SUPT3H: variants seen among roughly 807,000 people sequenced by gnomAD.
SUPT3H encodes SPT3 homolog, SAGA and STAGA complex component.
Under a neutral mutation model 44.3 loss-of-function variants are expected in SUPT3H, and 44 were observed. The ratio of observed to expected loss-of-function variants is 0.99; its 90% CI spans 0.78 to 1.28. SUPT3H has a LOEUF of 1.28. Among genes scored for constraint, SUPT3H ranks in the 50% most tolerant of loss-of-function variants. The pLI is 0.00. For synonymous variants in SUPT3H, 124 were observed against 125.6 expected (o/e 0.99, Z 0.09); for missense variants, 380 against 387.1 (o/e 0.98, Z 0.15).
chr6:45,232,165 G>A (rs1390886964), intron 2 of SUPT3H, among the ~76,000 whole-genome samples: 2 of 152,136 alleles, frequency 1.3e-5, no homozygotes, highest in African/African-American at 2.4e-5. Flanking sequence ...CACATCTGGT[G>A]GAACAGCTGC....
chr6:45,329,383 C>A (rs1786998068), intron 2 of SUPT3H, among the ~76,000 whole-genome samples: 1 of 151,874 alleles, frequency 6.6e-6, no homozygotes, highest in Non-Finnish European at 1.5e-5. Flanking sequence ...ATACATTCAG[C>A]TGAAATAAAA....
intron 10 of SUPT3H, among the ~76,000 whole-genome samples, chr6:44,890,090 A>T (rs1038198095): frequency 2.0e-5 from 3 of 151,674 alleles, no homozygotes; most frequent in Non-Finnish European, 4.4e-5. Flanking sequence ...AATGGCGATC[A>T]TTAAAAAGTC....
chr6:44,961,655 T>C lies in SUPT3H; in HGVS notation c.580+98A>G, dbSNP rs559801494. On this transcript the variant is annotated intron_variant, in intron 7 of 10. Transcript: ENST00000371459. ...CACTTACAACTACACATATATTAAA[T>C]CCACCAATTTCTAAGAAACAGATCC... 17 of 966,374 alleles carry C rather than the reference T, an allele frequency of 1.8e-5. No individual in the cohort carries two copies. The African/African-American group carries it at 2.5e-4, about 14-fold the overall frequency. 59.9% of individuals were successfully genotyped at this position (966,374 alleles called of 1,614,324 possible). A position where few individuals can be genotyped will look rare whatever the true frequency, so the allele number is the denominator to read the frequency against.
chr6:45,014,132 C>CT (rs1427635226), intron 5 of SUPT3H, among the ~76,000 whole-genome samples: 1 of 151,844 alleles, frequency 6.6e-6, no homozygotes, highest in Non-Finnish European at 1.5e-5. Context: ...GAATATTTTA[C>CT]TTTATAATTT....
chr6:45,184,329 T>A (rs1196633282), intron 2 of SUPT3H, among the ~76,000 whole-genome samples: 1 of 152,112 alleles, frequency 6.6e-6, no homozygotes, highest in Non-Finnish European at 1.5e-5. Flanking sequence ...GACAAAGCAC[T>A]CCTTTTTTTA....
chr6:45,342,743 A>T (rs200225884), intron 2 of SUPT3H, among the ~76,000 whole-genome samples: 4 of 114,268 alleles, frequency 3.5e-5, no homozygotes, highest in Admixed American at 1.1e-4. Flanking sequence ...GTTTGCGTTA[A>T]TGTTTTAAAA....
chr6:45,365,322 A>G (rs1392384992), intron 1 of SUPT3H, 21 bp from the exon 2 acceptor site: 1 of 1,549,782 alleles, frequency 6.5e-7, no homozygotes, highest in African/African-American at 1.4e-5. Flanking sequence ...AGGAGAAATA[A>G]AGCTTACAAA....
chr6:44,979,161 G>T (rs1778752111), intron 6 of SUPT3H, among the ~76,000 whole-genome samples: 1 of 152,126 alleles, frequency 6.6e-6, no homozygotes, highest in Admixed American at 6.5e-5. Flanking sequence ...GTTCTTTAGA[G>T]GTAGAAAAAC....
intron 10 of SUPT3H, among the ~76,000 whole-genome samples, chr6:44,838,892 TAC>T (rs1770420631): frequency 6.6e-6 from 1 of 152,242 alleles, no homozygotes; most frequent in Non-Finnish European, 1.5e-5. Context: ...TTTTACCTTG[TAC>T]ATATTACACA....
chr6:44,960,544 G>C (rs143693225), intron 7 of SUPT3H, among the ~76,000 whole-genome samples: 1 of 151,950 alleles, frequency 6.6e-6, no homozygotes, highest in African/African-American at 2.4e-5. Context: ...AAGATTATGA[G>C]TTTCAGTGTG....
intron 3 of SUPT3H, among the ~76,000 whole-genome samples, chr6:45,060,129 C>T (rs1331675635): frequency 3.9e-5 from 6 of 152,014 alleles, no homozygotes; most frequent in East Asian, 3.9e-4. Context: ...AAAAAGAGCC[C>T]GTATAGCCAA....
intron 10 of SUPT3H, among the ~76,000 whole-genome samples, chr6:44,902,586 C>T (rs150317012): frequency 6.6e-6 from 1 of 152,110 alleles, no homozygotes; most frequent in Non-Finnish European, 1.5e-5. Context: ...TAATGGGAGA[C>T]TTTAACACCC....
At chr6:44,977,588 T>C (rs967920623) in intron 6 of SUPT3H, among the ~76,000 whole-genome samples, 1 of 152,200 alleles carries the variant, frequency 6.6e-6, no homozygotes, top group East Asian at 1.9e-4. Context: ...CAAGCTAAAC[T>C]GGGTCAGGTT....
At chr6:45,356,143 T>C (rs1417337329) in intron 2 of SUPT3H, among the ~76,000 whole-genome samples, 2 of 152,268 alleles carry the variant, frequency 1.3e-5, no homozygotes, top group Admixed American at 6.5e-5. Context: ...AGGAAAAAAA[T>C]GTTATGCCAA....
intron 10 of SUPT3H, among the ~76,000 whole-genome samples, chr6:44,851,989 C>T (rs1487429344): frequency 6.6e-6 from 1 of 152,128 alleles, no homozygotes; most frequent in South Asian, 2.1e-4. Flanking sequence ...GCCCCATTGG[C>T]GTTTCCTACA....
intron 5 of SUPT3H, among the ~76,000 whole-genome samples, chr6:45,008,518 CTAAT>C (rs1346756893): frequency 6.6e-6 from 1 of 151,926 alleles, no homozygotes; most frequent in African/African-American, 2.4e-5. Flanking sequence ...CTGAGACTGG[CTAAT>C]TAATTTTTTT....
At position 45,365,270 on chromosome 6, in the gene SUPT3H, GT is replaced by G; in HGVS notation, c.31del (p.Thr11LeufsTer14). The G allele has an allele frequency of 6.2e-7, 1 of 1,611,918 alleles. No homozygotes were observed. Among genetic ancestry groups the G allele is most frequent in the Non-Finnish European group, 8.5e-7 (1 of 1,178,868 alleles). Reference protein sequence around the residue: MNNTAASPMSTATSSSGRSTG... With the variant: MNNTAASPMSXATSSSGRSTG... Reference sequence around the variant, plus strand: ...ACTCCTTCCACTACTTGAAGTTGCAGTAGACATTGGACTAGCTGCCGTATTA... The same window carrying G: ...ACTCCTTCCACTACTTGAAGTTGCAGAGACATTGGACTAGCTGCCGTATTA... On this transcript the variant is annotated frameshift_variant, in exon 2 of 11. Transcript: ENST00000371459. LOFTEE classifies it high-confidence loss of function.
chr6:45,017,679 G>A (rs1178859152), intron 4 of SUPT3H, among the ~76,000 whole-genome samples: 2 of 147,608 alleles, frequency 1.4e-5, no homozygotes, highest in Non-Finnish European at 3.0e-5. Context: ...TATTTCTGAG[G>A]GCTCTGTTCT....
rs545315645 is a variant in SUPT3H, at chr6:45,147,330, C to G, written c.102-41324G>C. The stretch of plus-strand genomic sequence containing the variant: ...GATAAAAGCTGAACTAATTCATTAA[C>G]TTGAACCTAGGTGTTCAATTTTTAA... On this transcript the variant is annotated intron_variant, in intron 2 of 10. Coordinates refer to ENST00000371459, the MANE Select transcript of SUPT3H (RefSeq NM_003599.4). Among the ~76,000 whole-genome samples the G allele has an allele frequency of 9.9e-5, 15 of 152,202 alleles. No homozygotes were observed. The East Asian group carries it at 2.9e-3, about 29-fold the overall frequency.
Sources: gnomAD v4.1 joint callset for allele counts (sites outside exome capture counted in the v4.1 genomes callset) on GRCh38, gnomAD v4.1.1 for gene constraint, MANE v1.5 for transcripts, NCBI Gene and HGNC (gene_info 2026-07-23, HGNC 2026-07-21) for gene names.